CALD1: variants seen among roughly 807,000 people sequenced by gnomAD.
CALD1 encodes caldesmon 1.
A neutral mutation model predicts 99.9 loss-of-function variants in CALD1; 33 were observed. The ratio of observed to expected loss-of-function variants is 0.33; its 90% confidence interval spans 0.25 to 0.44. The LOEUF (loss-of-function observed/expected upper bound fraction) is 0.44. CALD1 is among the 20% of genes least tolerant of loss of function. The pLI is 1.00. For synonymous variants in CALD1, 310 were observed against 325.0 expected, an observed-to-expected ratio of 0.95 and a Z score of 0.50; for missense variants, 861 against 962.1, an observed-to-expected ratio of 0.89 and a Z score of 1.39.
rs555683726 is a variant in CALD1 at position 134,857,810 on chromosome 7, T to C, written c.-41-9883T>C. Among the ~76,000 whole-genome samples, 3 of 152,252 alleles carry C rather than the reference T, an allele frequency of 2.0e-5. No individual in the cohort carries two copies. The South Asian group carries it at 6.2e-4, about 32-fold the overall frequency. On this transcript the variant is annotated intron_variant, in intron 2 of 14. Coordinates refer to ENST00000361675, the MANE Select transcript of CALD1 (RefSeq NM_033138.4). ...CAGTAAACACACTTGATGATCATGA[T>C]GAATAGAAGTCAAATAATTCACTAG...
At chr7:134,865,973 G>T (rs1800784954) in intron 2 of CALD1, among the ~76,000 whole-genome samples, 1 of 152,186 alleles carries the variant, frequency 6.6e-6, no homozygotes, top group Admixed American at 6.5e-5. Flanking sequence ...ATGTCTGTTT[G>T]CTATTGCTAT....
At position 134,947,724 on chromosome 7, in the gene CALD1, G is replaced by A. The variant is rs976763679; in HGVS notation, c.1749G>A (p.Glu583=). The stretch of plus-strand genomic sequence containing the variant: ...GAAGGAAGGTCCTGGAGGAGGAAGA[G>A]CAGAGGAGGAAGCAGGAGGAAGCCG... ...EERRKVLEEE[E]QRRKQEEADR... The change falls in exon 8 of 15, where the codon GAG becomes GAA. Residue 583 remains glutamate, a synonymous_variant. Transcript: ENST00000361675. 14 of 1,613,686 alleles carry A rather than the reference G, an allele frequency of 8.7e-6. No individual in the cohort carries two copies. In the African/African-American group the frequency reaches 1.6e-4, roughly 18 times the overall value.
chr7:134,800,513 T>G (rs1460623382), intron 1 of CALD1, among the ~76,000 whole-genome samples: 1 of 152,132 alleles, frequency 6.6e-6, no homozygotes, highest in Non-Finnish European at 1.5e-5. Context: ...TCTTAAAGCA[T>G]ATTTTGTCTG....
intron 3 of CALD1, chr7:134,891,530 G>A (rs1222074108): frequency 2.0e-6 from 3 of 1,519,880 alleles, no homozygotes; most frequent in Non-Finnish European, 2.7e-6. Context: ...AGATCACATG[G>A]CCCCTCCGCG....
chr7:134,766,634 C>G (rs1418465297), intron 1 of CALD1, among the ~76,000 whole-genome samples: 1 of 152,208 alleles, frequency 6.6e-6, no homozygotes, highest in Non-Finnish European at 1.5e-5. Context: ...ATTCTTACTT[C>G]TGTCCTGTGA....
intron 2 of CALD1, among the ~76,000 whole-genome samples, chr7:134,850,816 G>A (rs1233862733): frequency 6.6e-6 from 1 of 152,112 alleles, no homozygotes; most frequent in East Asian, 1.9e-4. Context: ...ATGTGTCATG[G>A]GAGGGACCAG....
chr7:134,812,594 A>T (rs1432961873), intron 1 of CALD1, among the ~76,000 whole-genome samples: 1 of 152,262 alleles, frequency 6.6e-6, no homozygotes, highest in East Asian at 1.9e-4. Flanking sequence ...AAAAAAAAAA[A>T]AAAAATGAGC....
chr7:134,906,793 G>GTC (rs1803418099), intron 3 of CALD1, among the ~76,000 whole-genome samples: 1 of 152,134 alleles, frequency 6.6e-6, no homozygotes, highest in Non-Finnish European at 1.5e-5. Flanking sequence ...GCCTCCTATA[G>GTC]TCTCCTAGCA....
At chr7:134,962,016 C>CT (rs1206602850) in intron 13 of CALD1, 5 of 152,076 alleles carry the variant, frequency 3.3e-5, no homozygotes, top group African/African-American at 1.2e-4. Flanking sequence ...GTCTATGGAC[C>CT]TACTGAGTAA....
intron 1 of CALD1, among the ~76,000 whole-genome samples, chr7:134,756,380 C>T (rs941758239): frequency 1.3e-5 from 2 of 150,320 alleles, no homozygotes; most frequent in Non-Finnish European, 2.9e-5. Context: ...ATTTGTAGGT[C>T]CATTTTGAGG....
chr7:134,937,785 T>A (rs575021384), intron 6 of CALD1, among the ~76,000 whole-genome samples: 1 of 152,194 alleles, frequency 6.6e-6, no homozygotes, highest in Non-Finnish European at 1.5e-5. Context: ...CACTCCAATG[T>A]CTTAAAAAAC....
chr7:134,771,141 A>G (rs981565822), intron 1 of CALD1, among the ~76,000 whole-genome samples: 1 of 152,130 alleles, frequency 6.6e-6, no homozygotes, highest in African/African-American at 2.4e-5. Context: ...GTTAGCTCCC[A>G]CATCTCCGCT....
At chr7:134,813,377 A>G (rs1315683775) in intron 1 of CALD1, among the ~76,000 whole-genome samples, 1 of 152,164 alleles carries the variant, frequency 6.6e-6, no homozygotes, top group East Asian at 1.9e-4. Flanking sequence ...TGATGATGAG[A>G]ATAATCTAGT....
At chr7:134,896,970 C>A (rs1230150000) in intron 3 of CALD1, among the ~76,000 whole-genome samples, 3 of 152,122 alleles carry the variant, frequency 2.0e-5, no homozygotes, top group African/African-American at 7.2e-5. Context: ...GTCTGAGAGC[C>A]CGACTACCAT....
At chr7:134,880,743 G>T (rs186999329) in intron 3 of CALD1, among the ~76,000 whole-genome samples, 117 of 152,242 alleles carry the variant, frequency 7.7e-4, no homozygotes, top group South Asian at 1.0e-3. Flanking sequence ...GATGTAGAAA[G>T]AACTGATATC....
intron 6 of CALD1, 53 bp downstream of exon 6, chr7:134,935,818 G>C: frequency 6.6e-7 from 1 of 1,519,552 alleles, no homozygotes; most frequent in Non-Finnish European, 8.8e-7. Context: ...AGCAGTCAGT[G>C]TTCCAAGATA....
intron 1 of CALD1, among the ~76,000 whole-genome samples, chr7:134,837,790 T>C (rs1799504039): frequency 6.6e-6 from 1 of 152,188 alleles, no homozygotes. Context: ...CCAAGTACAA[T>C]GGAAGAAGAA....
intron 1 of CALD1, among the ~76,000 whole-genome samples, chr7:134,770,232 C>A (rs138582772): frequency 1.3e-5 from 2 of 152,180 alleles, no homozygotes; most frequent in African/African-American, 4.8e-5. Context: ...CTGGACTCAC[C>A]GGCCCAGCCC....
chr7:134,962,580 G>A (rs559099927), intron 13 of CALD1, among the ~76,000 whole-genome samples: 1 of 152,222 alleles, frequency 6.6e-6, no homozygotes, highest in South Asian at 2.1e-4. Context: ...CCAGATGGAA[G>A]AAAGTTCTAT....
Sources: allele counts gnomAD v4.1 joint callset (sites outside exome capture counted in the v4.1 genomes callset), GRCh38; gene constraint gnomAD v4.1.1; transcripts MANE v1.5; gene names NCBI Gene and HGNC (gene_info 2026-07-23, HGNC 2026-07-21).